EPS15: variants seen among roughly 807,000 people sequenced by gnomAD.
The protein encoded by EPS15 is epidermal growth factor receptor pathway substrate 15.
Under a neutral mutation model 113.8 loss-of-function variants are expected in EPS15, and 72 were observed. The ratio of observed to expected loss-of-function variants is 0.63; its 90% CI spans 0.52 to 0.77. The LOEUF is 0.77. EPS15 is among the 30% of genes least tolerant of loss of function. EPS15 has a pLI of 0.00. For missense variants in EPS15, 1,048 were observed against 1,045.8 expected, an observed-to-expected ratio of 1.00 and a Z score of -0.03; for synonymous variants, 344 against 363.4, an observed-to-expected ratio of 0.95 and a Z score of 0.61.
chr1:51,489,561 G>C (rs1239747900), intron 1 of EPS15, among the ~76,000 whole-genome samples: 1 of 151,912 alleles, frequency 6.6e-6, no homozygotes, highest in African/African-American at 2.4e-5. Context: ...CAGGTGACTA[G>C]TACAGCATCT....
intron 12 of EPS15, among the ~76,000 whole-genome samples, chr1:51,435,187 TTTTC>T (rs1039694907): frequency 2.6e-5 from 4 of 152,082 alleles, no homozygotes; most frequent in African/African-American, 9.7e-5. Flanking sequence ...TCTTTTTCTT[TTTTC>T]TTTTTTCTTT....
At chr1:51,441,144 A>C (rs946531612) in intron 11 of EPS15, among the ~76,000 whole-genome samples, 1 of 152,072 alleles carries the variant, frequency 6.6e-6, no homozygotes, top group South Asian at 2.1e-4. Context: ...CATTATCATC[A>C]CCTGTAAAAT....
intron 6 of EPS15, 82 bp downstream of exon 6, chr1:51,465,179 G>T: frequency 1.2e-6 from 1 of 831,238 alleles, no homozygotes; most frequent in East Asian, 2.6e-5. Flanking sequence ...GTCTAATGAA[G>T]ATAGCAATAT....
At chr1:51,357,233 C>CT (rs1031657651) in intron 24 of EPS15, among the ~76,000 whole-genome samples, 9 of 150,818 alleles carry the variant, frequency 6.0e-5, no homozygotes, top group Non-Finnish European at 1.3e-4. Context: ...CAAAAATTAG[C>CT]TGGGCATGGT....
At chr1:51,436,575 A>G (rs1652167758) in intron 12 of EPS15, among the ~76,000 whole-genome samples, 1 of 152,192 alleles carries the variant, frequency 6.6e-6, no homozygotes, top group Non-Finnish European at 1.5e-5. Context: ...ACAGTTGTAA[A>G]TATAAAGACT....
At chr1:51,492,200 A>G (rs1410041857) in intron 1 of EPS15, among the ~76,000 whole-genome samples, 1 of 152,118 alleles carries the variant, frequency 6.6e-6, no homozygotes, top group Non-Finnish European at 1.5e-5. Context: ...GGTACAAGAC[A>G]ATAGGTTAAG....
intron 21 of EPS15, among the ~76,000 whole-genome samples, chr1:51,391,894 T>C (rs954069935): frequency 4.6e-5 from 7 of 152,184 alleles, no homozygotes; most frequent in African/African-American, 7.2e-5. Flanking sequence ...GTTAGACTTA[T>C]GCATTAGATA....
At chr1:51,364,638 G>C (rs1014822128) in intron 22 of EPS15, among the ~76,000 whole-genome samples, 1 of 152,056 alleles carries the variant, frequency 6.6e-6, no homozygotes, top group Admixed American at 6.6e-5. Flanking sequence ...AGGACTACAG[G>C]TGTGTACCAC....
intron 5 of EPS15, among the ~76,000 whole-genome samples, chr1:51,466,161 G>T (rs1654828266): frequency 6.7e-6 from 1 of 150,324 alleles, no homozygotes; most frequent in African/African-American, 2.5e-5. Flanking sequence ...TAGATCAATA[G>T]GTAAGAACAA....
chr1:51,362,307 A>C (rs72694129), intron 23 of EPS15, among the ~76,000 whole-genome samples: 2,931 of 152,324 alleles, frequency 0.019, 46 homozygotes, highest in Non-Finnish European at 0.031. Context: ...TTATACACTT[A>C]AGATCATAGT....
intron 21 of EPS15, among the ~76,000 whole-genome samples, chr1:51,386,970 G>A (rs199737418): frequency 2.6e-5 from 4 of 152,026 alleles, no homozygotes; most frequent in East Asian, 3.9e-4. Context: ...TACAGAGAAC[G>A]ACACAAAGAT....
At chr1:51,472,973 T>C in intron 2 of EPS15, 25 bp from the exon 3 acceptor site, 1 of 1,582,392 alleles carries the variant, frequency 6.3e-7, no homozygotes, top group South Asian at 1.1e-5. Flanking sequence ...ATCCGTAAGT[T>C]GACAACAAAA....
intron 1 of EPS15, among the ~76,000 whole-genome samples, chr1:51,503,930 C>T (rs1468653053): frequency 1.3e-5 from 2 of 152,126 alleles, no homozygotes; most frequent in African/African-American, 4.8e-5. Context: ...CTTTACCTCA[C>T]ACCATATATA....
At position 51,356,516 on chromosome 1, in the gene EPS15, GA is replaced by G. The variant is rs878936060; in HGVS notation, c.*183del. On this transcript the variant is annotated 3_prime_UTR_variant, in exon 25 of 25. Coordinates refer to ENST00000371733, the MANE Select transcript of EPS15 (RefSeq NM_001981.3). ...TCTGACTGGGTTACGGCTTTTATAA[GA>G]AAAAAAAAAAAAGACGAATCTGTAA... The G allele has an allele frequency of 0.19, 57,835 of 296,874 alleles. 79 individuals are homozygous for G. Among genetic ancestry groups the G allele is most frequent in the Middle Eastern group, 0.22 (269 of 1,198 alleles). The allele number at this position is 296,874 out of a possible 1,614,324, so 18.4% of individuals were successfully genotyped here. A position where few individuals can be genotyped will look rare whatever the true frequency, so the allele number is the denominator to read the frequency against.
intron 21 of EPS15, among the ~76,000 whole-genome samples, chr1:51,368,002 C>T (rs1646545479): frequency 6.6e-6 from 1 of 152,128 alleles, no homozygotes; most frequent in Non-Finnish European, 1.5e-5. Flanking sequence ...CATGGTGGCA[C>T]ACGCCTGTAA....
At chr1:51,512,231 G>T (rs1644633797) in intron 1 of EPS15, among the ~76,000 whole-genome samples, 1 of 152,160 alleles carries the variant, frequency 6.6e-6, no homozygotes, top group African/African-American at 2.4e-5. Context: ...ATCACAACAT[G>T]CTTAAGAGGT....
chr1:51,409,121 A>G (rs1017072384), intron 14 of EPS15, among the ~76,000 whole-genome samples: 3 of 151,750 alleles, frequency 2.0e-5, no homozygotes, highest in African/African-American at 7.3e-5. Flanking sequence ...GGATTTCTCC[A>G]TGTTTCCCAG....
intron 15 of EPS15, among the ~76,000 whole-genome samples, chr1:51,407,372 A>C (rs1003568575): frequency 4.6e-5 from 7 of 151,840 alleles, no homozygotes; most frequent in Non-Finnish European, 8.8e-5. Flanking sequence ...TAATTTTTGT[A>C]CCTTTTAGTA....
At chr1:51,378,366 C>T (rs919054754) in intron 21 of EPS15, among the ~76,000 whole-genome samples, 3 of 151,904 alleles carry the variant, frequency 2.0e-5, no homozygotes, top group African/African-American at 7.3e-5. Flanking sequence ...TGGAAAAGAA[C>T]CCATGCTGGG....
Sources: allele counts gnomAD v4.1 joint callset (sites outside exome capture counted in the v4.1 genomes callset), GRCh38; gene constraint gnomAD v4.1.1; transcripts MANE v1.5; gene names NCBI Gene and HGNC (gene_info 2026-07-23, HGNC 2026-07-21).